The following PLEKHM3 variants were observed in gnomAD, a reference collection of about 807,000 sequenced individuals.
The protein encoded by PLEKHM3 is pleckstrin homology domain containing M3.
Under a neutral mutation model 81.8 loss-of-function variants are expected in PLEKHM3, and 45 were observed. That is an observed-to-expected ratio of 0.55 (90% CI 0.43 to 0.71). The LOEUF (loss-of-function observed/expected upper bound fraction) is 0.71. PLEKHM3 is among the 30% of genes least tolerant of loss of function. PLEKHM3 has a pLI of 0.00. For synonymous variants in PLEKHM3, 352 were observed against 356.4 expected (o/e 0.99, Z 0.14); for missense variants, 788 against 924.3 (o/e 0.85, Z 1.91).
chr2:207,900,935 G>C, intron 6 of PLEKHM3: 1 of 288,564 alleles, frequency 3.5e-6, no homozygotes, highest in African/African-American at 2.2e-5. Context: ...TTTTAAAATA[G>C]GAAACAACAA....
At chr2:207,858,178 A>ATTTT (rs367774955) in intron 7 of PLEKHM3, among the ~76,000 whole-genome samples, 41 of 44,342 alleles carry the variant, frequency 9.2e-4, no homozygotes, top group African/African-American at 3.4e-3. Context: ...GTGTGTGTAT[A>ATTTT]TATTTTTTTT....
At chr2:207,840,613 T>C (rs1390059683) in intron 7 of PLEKHM3, among the ~76,000 whole-genome samples, 3 of 152,194 alleles carry the variant, frequency 2.0e-5, no homozygotes, top group Non-Finnish European at 4.4e-5. Context: ...TTTTGGCCAT[T>C]TGCATATTCT....
intron 6 of PLEKHM3, chr2:207,900,795 G>A (rs1688396111): frequency 6.5e-6 from 1 of 154,928 alleles, no homozygotes; most frequent in African/African-American, 2.4e-5. Flanking sequence ...AGACTCCTGG[G>A]GCCCTTTCAT....
chr2:207,978,595 A>T (rs983377007), intron 2 of PLEKHM3, among the ~76,000 whole-genome samples: 2 of 152,138 alleles, frequency 1.3e-5, no homozygotes, highest in African/African-American at 4.8e-5. Flanking sequence ...TCTAGTAATC[A>T]GAGATCCAAG....
At chr2:207,953,962 A>G (rs367689904) in intron 3 of PLEKHM3, among the ~76,000 whole-genome samples, 5 of 152,236 alleles carry the variant, frequency 3.3e-5, no homozygotes, top group African/African-American at 7.2e-5. Flanking sequence ...TAGCTAGGAC[A>G]GCTCTGTCCT....
intron 7 of PLEKHM3, 43 bp downstream of exon 7, chr2:207,861,062 T>C (rs1264775511): frequency 1.9e-6 from 3 of 1,599,086 alleles, no homozygotes; most frequent in African/African-American, 2.7e-5. Context: ...AAATGGCATA[T>C]TACACATTTG....
chr2:207,851,137 G>A (rs951176076), intron 7 of PLEKHM3: 9 of 119,736 alleles, frequency 7.5e-5, no homozygotes, highest in African/African-American at 1.0e-4. Context: ...TGGTGACGGA[G>A]AGAGAGACTC....
At chr2:207,834,868 G>A (rs1329348122) in intron 7 of PLEKHM3, among the ~76,000 whole-genome samples, 1 of 151,974 alleles carries the variant, frequency 6.6e-6, no homozygotes, top group Non-Finnish European at 1.5e-5. Flanking sequence ...ACAAAGCAAA[G>A]CTAAAAGTTT....
At chr2:207,952,818 G>C (rs1040474743) in intron 3 of PLEKHM3, among the ~76,000 whole-genome samples, 2 of 152,154 alleles carry the variant, frequency 1.3e-5, no homozygotes. Context: ...TGAAACTGAA[G>C]CTATAGAATT....
intron 7 of PLEKHM3, among the ~76,000 whole-genome samples, chr2:207,835,195 G>A (rs1367160275): frequency 6.6e-6 from 1 of 151,872 alleles, no homozygotes; most frequent in Non-Finnish European, 1.5e-5. Flanking sequence ...CGCCCGCCTT[G>A]GCCTCCCAAA....
chr2:207,834,203 C>T (rs1188321688), intron 7 of PLEKHM3, among the ~76,000 whole-genome samples: 1 of 150,762 alleles, frequency 6.6e-6, no homozygotes, highest in Non-Finnish European at 1.5e-5. Context: ...GATCTCAGCT[C>T]ACCACAATCT....
intron 7 of PLEKHM3, among the ~76,000 whole-genome samples, chr2:207,859,548 T>G (rs1161723639): frequency 2.0e-5 from 3 of 152,198 alleles, no homozygotes; most frequent in Non-Finnish European, 4.4e-5. Context: ...TTTTTAGCTA[T>G]TACGAATGCT....
chr2:207,913,684 T>C (rs1435520006), intron 5 of PLEKHM3, among the ~76,000 whole-genome samples: 5 of 151,622 alleles, frequency 3.3e-5, no homozygotes, highest in Non-Finnish European at 7.4e-5. Context: ...AGGAGGGAAA[T>C]TGGGCCACAG....
chr2:207,989,415 G>A (rs556304588), intron 2 of PLEKHM3, among the ~76,000 whole-genome samples: 5 of 152,352 alleles, frequency 3.3e-5, no homozygotes, highest in Non-Finnish European at 5.9e-5. Context: ...TTGATATTCA[G>A]AGACGGCAGG....
In PLEKHM3 at chr2:207,825,199, A is replaced by G. The variant is rs1649142604; in HGVS notation, c.*3120T>C. 1 of 152,076 alleles carries G rather than the reference A, an allele frequency of 6.6e-6. No homozygotes were observed. Among genetic ancestry groups the G allele is most frequent in the African/African-American group, 2.4e-5 (1 of 41,390 alleles). The allele number at this position is 152,076 out of a possible 1,614,324, so 9.4% of individuals were successfully genotyped here. ...CCTGCCGCGGTGCAAAATGAGGTCT[A>G]TTTTAGGAACTGGCTTCTTTACTGC... On this transcript the variant is annotated 3_prime_UTR_variant, in exon 8 of 8. Transcript: ENST00000427836.
chr2:207,879,324 C>A (rs921610326), intron 6 of PLEKHM3, among the ~76,000 whole-genome samples: 24 of 152,190 alleles, frequency 1.6e-4, no homozygotes, highest in African/African-American at 5.6e-4. Context: ...TCAAATGTCA[C>A]CTAGTTTCTA....
chr2:207,958,025 T>C (rs1162566497), intron 3 of PLEKHM3, among the ~76,000 whole-genome samples: 1 of 152,094 alleles, frequency 6.6e-6, no homozygotes, highest in Non-Finnish European at 1.5e-5. Flanking sequence ...GCCTAATATG[T>C]CAATAACGCC....
intron 7 of PLEKHM3, among the ~76,000 whole-genome samples, chr2:207,830,840 T>C (rs561715118): frequency 6.6e-6 from 1 of 152,172 alleles, no homozygotes; most frequent in Non-Finnish European, 1.5e-5. Context: ...ACCAACCCTG[T>C]TGGGACCTTG....
intron 7 of PLEKHM3, among the ~76,000 whole-genome samples, chr2:207,836,617 A>G (rs1296739015): frequency 1.3e-5 from 2 of 152,230 alleles, no homozygotes; most frequent in African/African-American, 4.8e-5. Context: ...CTGTTCTGGA[A>G]TGCTGATGAT....
Sources: allele counts gnomAD v4.1 joint callset (sites outside exome capture counted in the v4.1 genomes callset), GRCh38; gene constraint gnomAD v4.1.1; transcripts MANE v1.5; gene names NCBI Gene and HGNC (gene_info 2026-07-23, HGNC 2026-07-21).